Variants in LOC128125817 observed in about 807,000 individuals in gnomAD.
the LOC128125817 span, among the ~76,000 whole-genome samples, chr1:41,621,653 A>T: frequency 6.6e-6 from 1 of 152,244 alleles, no homozygotes; most frequent in African/African-American, 2.4e-5. Flanking sequence ...TTAGGACTAC[A>T]GGAGTATGAC....
At chr1:41,622,097 T>C in the LOC128125817 span, among the ~76,000 whole-genome samples, 1 of 152,186 alleles carries the variant, frequency 6.6e-6, no homozygotes, top group African/African-American at 2.4e-5. Flanking sequence ...ATCCTTGGGT[T>C]CAATAACAAA....
chr1:41,608,037 T>C, the LOC128125817 span, among the ~76,000 whole-genome samples: 4 of 152,246 alleles, frequency 2.6e-5, no homozygotes, highest in African/African-American at 4.8e-5. Context: ...GTGTAGTGTT[T>C]AGCTGAGTGG....
the LOC128125817 span, among the ~76,000 whole-genome samples, chr1:41,624,155 C>T: frequency 2.0e-5 from 3 of 152,136 alleles, no homozygotes; most frequent in Non-Finnish European, 4.4e-5. Flanking sequence ...AACTTCTCCC[C>T]TCCCCATCTC....
chr1:41,586,518 A>C, the LOC128125817 span, among the ~76,000 whole-genome samples: 1,925 of 152,320 alleles, frequency 0.013, 53 homozygotes, highest in African/African-American at 0.043. Context: ...AGTGATGAGC[A>C]TCTCTGTGCT....
chr1:41,608,631 G>A, the LOC128125817 span, among the ~76,000 whole-genome samples: 2 of 152,198 alleles, frequency 1.3e-5, no homozygotes, highest in Non-Finnish European at 2.9e-5. Flanking sequence ...GAGACTTCTG[G>A]AATCCTGGGC....
the LOC128125817 span, among the ~76,000 whole-genome samples, chr1:41,595,761 C>G: frequency 6.6e-6 from 1 of 152,264 alleles, no homozygotes; most frequent in East Asian, 1.9e-4. Context: ...GGTAGAAGAA[C>G]ATGAAAAGAC....
At chr1:41,625,037 C>A in the LOC128125817 span, among the ~76,000 whole-genome samples, 1 of 152,040 alleles carries the variant, frequency 6.6e-6, no homozygotes, top group Non-Finnish European at 1.5e-5. Flanking sequence ...GTGGCATGCG[C>A]CTGTAAGCCC....
At chr1:41,605,087 A>G in the LOC128125817 span, among the ~76,000 whole-genome samples, 1 of 141,772 alleles carries the variant, frequency 7.1e-6, no homozygotes, top group East Asian at 2.3e-4. Flanking sequence ...TCTGGGTGAC[A>G]GAATGAGACT....
the LOC128125817 span, among the ~76,000 whole-genome samples, chr1:41,607,308 T>C: frequency 1.3e-5 from 2 of 152,366 alleles, no homozygotes; most frequent in Admixed American, 1.3e-4. Flanking sequence ...TGGGAGGTTT[T>C]CTTGGTTTTA....
chr1:41,609,304 C>T, the LOC128125817 span, among the ~76,000 whole-genome samples: 1 of 152,198 alleles, frequency 6.6e-6, no homozygotes, highest in Non-Finnish European at 1.5e-5. Context: ...AACCTGGGCC[C>T]CCACCGATGC....
the LOC128125817 span, among the ~76,000 whole-genome samples, chr1:41,623,889 T>C: frequency 1.1e-5 from 1 of 87,246 alleles, no homozygotes; most frequent in African/African-American, 6.5e-5. Context: ...ACAGAGGCTC[T>C]CTGCATGCCG....
chr1:41,621,794 A>G, the LOC128125817 span, among the ~76,000 whole-genome samples: 1 of 152,202 alleles, frequency 6.6e-6, no homozygotes, highest in Non-Finnish European at 1.5e-5. Flanking sequence ...CTGGGATTAC[A>G]GGCCTAAGCC....
chr1:41,628,666 A>G, the LOC128125817 span: 5 of 1,010,294 alleles, frequency 4.9e-6, no homozygotes, highest in Non-Finnish European at 6.4e-6. Flanking sequence ...TACATTTTTC[A>G]GAGGAAGAAC....
chr1:41,591,896 A>C, the LOC128125817 span, among the ~76,000 whole-genome samples: 5 of 151,968 alleles, frequency 3.3e-5, no homozygotes, highest in Non-Finnish European at 7.4e-5. Flanking sequence ...ACCCAACGAG[A>C]GCGGGCTGGG....
At chr1:41,627,303 G>A in the LOC128125817 span, among the ~76,000 whole-genome samples, 2 of 152,240 alleles carry the variant, frequency 1.3e-5, no homozygotes, top group Non-Finnish European at 2.9e-5. Context: ...TGAGAAGGAT[G>A]AGGCAGAGTT....
At chr1:41,589,336 C>T in the LOC128125817 span, among the ~76,000 whole-genome samples, 1 of 152,198 alleles carries the variant, frequency 6.6e-6, no homozygotes, top group Non-Finnish European at 1.5e-5. Flanking sequence ...GCTTCAGCAG[C>T]CAACTGGTTA....
chr1:41,610,314 C>T, the LOC128125817 span, among the ~76,000 whole-genome samples: 1 of 152,252 alleles, frequency 6.6e-6, no homozygotes, highest in Non-Finnish European at 1.5e-5. Context: ...CACTTTGCTG[C>T]TATCACATGT....
At chr1:41,592,476 G>A in the LOC128125817 span, among the ~76,000 whole-genome samples, 2 of 152,242 alleles carry the variant, frequency 1.3e-5, no homozygotes, top group African/African-American at 4.8e-5. Flanking sequence ...ACCTTAAGCT[G>A]AGGAGAATTC....
the LOC128125817 span, among the ~76,000 whole-genome samples, chr1:41,613,282 C>T: frequency 6.6e-6 from 1 of 152,258 alleles, no homozygotes; most frequent in African/African-American, 2.4e-5. Context: ...CACAGCTCCC[C>T]TCTCCAGAGG....
Sources: allele counts gnomAD v4.1 joint callset (sites outside exome capture counted in the v4.1 genomes callset), GRCh38; gene constraint gnomAD v4.1.1; transcripts MANE v1.5.